Variants in SMAP1 observed in about 807,000 individuals in gnomAD.
SMAP1 encodes small ArfGAP 1.
Under a neutral mutation model 58.5 loss-of-function variants are expected in SMAP1, and 24 were observed. That is an observed-to-expected ratio of 0.41 (90% CI 0.30 to 0.58). The LOEUF (loss-of-function observed/expected upper bound fraction) is 0.58, where lower values mean the gene tolerates loss of function less well. Ranked by LOEUF, SMAP1 falls within the 20% of genes least tolerant of loss-of-function variation. The pLI is 0.29. For missense variants in SMAP1, 563 were observed against 566.3 expected, an observed-to-expected ratio of 0.99 and a Z score of 0.06; for synonymous variants, 216 against 196.6, an observed-to-expected ratio of 1.10 and a Z score of -0.82.
chr6:70,742,146 C>T (rs1249728137), intron 2 of SMAP1, among the ~76,000 whole-genome samples: 1 of 152,206 alleles, frequency 6.6e-6, no homozygotes, highest in Admixed American at 6.5e-5. Flanking sequence ...ACATTTGACT[C>T]CTCATTACTT....
At chr6:70,730,920 C>T (rs1009674152) in intron 1 of SMAP1, among the ~76,000 whole-genome samples, 2 of 152,196 alleles carry the variant, frequency 1.3e-5, no homozygotes, top group Admixed American at 6.5e-5. Flanking sequence ...TTGCCTCAGC[C>T]TCCTGAGGAG....
chr6:70,841,585 C>T (rs1332414280), intron 7 of SMAP1, among the ~76,000 whole-genome samples: 1 of 152,174 alleles, frequency 6.6e-6, no homozygotes, highest in Non-Finnish European at 1.5e-5. Context: ...TCTATCTAAA[C>T]ATTCATAACT....
intron 7 of SMAP1, among the ~76,000 whole-genome samples, chr6:70,837,543 T>C (rs368037242): frequency 1.3e-4 from 20 of 152,264 alleles, no homozygotes; most frequent in East Asian, 1.2e-3. Flanking sequence ...CTAATTTTAA[T>C]ATAATGTCCT....
At chr6:70,773,301 G>A in intron 3 of SMAP1, 49 bp from the exon 4 acceptor site, 5 of 1,132,108 alleles carry the variant, frequency 4.4e-6, no homozygotes, top group South Asian at 2.8e-5. Context: ...ATAAAGGGAA[G>A]TGTACATATC....
chr6:70,830,250 G>A (rs866385832), intron 6 of SMAP1, among the ~76,000 whole-genome samples: 1 of 152,212 alleles, frequency 6.6e-6, no homozygotes, highest in Non-Finnish European at 1.5e-5. Context: ...TTAAAGTGGA[G>A]TGAGTCTGTA....
intron 10 of SMAP1, chr6:70,859,350 G>GT: frequency 6.5e-7 from 1 of 1,548,904 alleles, no homozygotes; most frequent in Non-Finnish European, 8.7e-7. Flanking sequence ...GGGTGATGCT[G>GT]TTCTCCAGCA....
intron 3 of SMAP1, among the ~76,000 whole-genome samples, chr6:70,772,555 A>G (rs537092902): frequency 5.1e-4 from 78 of 152,356 alleles, no homozygotes; most frequent in African/African-American, 1.8e-3. Flanking sequence ...AACCCCTTTA[A>G]GAATTTCCAT....
intron 7 of SMAP1, among the ~76,000 whole-genome samples, chr6:70,851,550 A>G (rs1394691010): frequency 6.6e-6 from 1 of 152,212 alleles, no homozygotes; most frequent in East Asian, 1.9e-4. Flanking sequence ...AACTCTCAAG[A>G]GGCTGGAGTT....
chr6:70,681,584 A>G (rs1766712738), intron 1 of SMAP1, among the ~76,000 whole-genome samples: 1 of 152,210 alleles, frequency 6.6e-6, no homozygotes, highest in Non-Finnish European at 1.5e-5. Context: ...AAATAAATTT[A>G]ATGGTCTGAG....
chr6:70,836,384 C>T (rs930034710), intron 6 of SMAP1, among the ~76,000 whole-genome samples: 1 of 152,162 alleles, frequency 6.6e-6, no homozygotes, highest in African/African-American at 2.4e-5. Flanking sequence ...ATTTAATTAC[C>T]TCCCACTGGG....
At chr6:70,760,415 A>C (rs1766700708) in intron 3 of SMAP1, among the ~76,000 whole-genome samples, 2 of 152,126 alleles carry the variant, frequency 1.3e-5, no homozygotes, top group South Asian at 4.1e-4. Flanking sequence ...TTTGAGCTAG[A>C]TGATTACTTA....
intron 3 of SMAP1, among the ~76,000 whole-genome samples, chr6:70,769,767 T>C (rs1000339387): frequency 1.2e-4 from 19 of 152,146 alleles, no homozygotes; most frequent in Admixed American, 6.5e-4. Flanking sequence ...AAGTTAATAT[T>C]GTTATGTGTG....
At chr6:70,852,930 G>T (rs1771244491) in intron 8 of SMAP1, among the ~76,000 whole-genome samples, 1 of 152,258 alleles carries the variant, frequency 6.6e-6, no homozygotes, top group South Asian at 2.1e-4. Context: ...AACAGAGAAT[G>T]TATAGCCCAC....
intron 1 of SMAP1, among the ~76,000 whole-genome samples, chr6:70,694,989 C>G (rs1057166743): frequency 6.6e-6 from 1 of 152,162 alleles, no homozygotes; most frequent in Admixed American, 6.5e-5. Context: ...CATCAATGTT[C>G]TATTCACTGT....
intron 1 of SMAP1, among the ~76,000 whole-genome samples, chr6:70,679,070 C>T (rs987972478): frequency 1.1e-4 from 16 of 150,830 alleles, no homozygotes; most frequent in African/African-American, 3.7e-4. Context: ...GTCGCCCAAG[C>T]TGGAGTGCAT....
intron 7 of SMAP1, chr6:70,837,796 A>G: frequency 8.1e-7 from 1 of 1,238,192 alleles, no homozygotes; most frequent in Admixed American, 2.6e-5. Flanking sequence ...AGAAAGATTG[A>G]GAAGGAAAAG....
At chr6:70,857,051 C>T in intron 9 of SMAP1, 21 bp downstream of exon 9, 1 of 1,578,158 alleles carries the variant, frequency 6.3e-7, no homozygotes. Flanking sequence ...TTGATATCTG[C>T]TTTCAGTGAC....
intron 6 of SMAP1, among the ~76,000 whole-genome samples, chr6:70,817,974 G>A (rs536138939): frequency 6.6e-6 from 1 of 152,226 alleles, no homozygotes; most frequent in African/African-American, 2.4e-5. Context: ...AGCCAACAAT[G>A]ACCTTGTTAG....
intron 3 of SMAP1, among the ~76,000 whole-genome samples, chr6:70,760,504 A>G (rs544319221): frequency 2.0e-5 from 3 of 152,092 alleles, no homozygotes; most frequent in Non-Finnish European, 2.9e-5. Context: ...CTTTAAAAAA[A>G]TTACCTTGGT....
Sources: allele counts gnomAD v4.1 joint callset (sites outside exome capture counted in the v4.1 genomes callset), GRCh38; gene constraint gnomAD v4.1.1; transcripts MANE v1.5; gene names NCBI Gene and HGNC (gene_info 2026-07-23, HGNC 2026-07-21).